The following LDLRAD4 variants were observed in gnomAD, a reference collection of about 807,000 sequenced individuals.
The protein encoded by LDLRAD4 is low density lipoprotein receptor class A domain containing 4.
A neutral mutation model predicts 17.0 loss-of-function variants in LDLRAD4; 5 were observed. The observed-to-expected ratio is 0.29, with a 90% CI of 0.15 to 0.62. The LOEUF (loss-of-function observed/expected upper bound fraction) is 0.62, where lower values mean the gene tolerates loss of function less well. Ranked by LOEUF, LDLRAD4 falls within the 20% of genes least tolerant of loss-of-function variation. LDLRAD4 has a pLI of 0.84. For missense variants in LDLRAD4, 340 were observed against 424.7 expected, an observed-to-expected ratio of 0.80 and a Z score of 1.75; for synonymous variants, 168 against 171.8, an observed-to-expected ratio of 0.98 and a Z score of 0.17.
chr18:13,229,996 A>G (rs1252260906), intron 1 of LDLRAD4, among the ~76,000 whole-genome samples: 1 of 152,028 alleles, frequency 6.6e-6, no homozygotes, highest in East Asian at 1.9e-4. Flanking sequence ...TGTCCCAGAA[A>G]CTCCTCAATT....
intron 1 of LDLRAD4, among the ~76,000 whole-genome samples, chr18:13,330,728 C>T (rs1167860287): frequency 2.0e-5 from 3 of 152,114 alleles, no homozygotes; most frequent in Admixed American, 2.0e-4. Context: ...GGGTGGCAGC[C>T]CGTAGATAGC....
chr18:13,532,933 T>C (rs2094150450), intron 3 of LDLRAD4, among the ~76,000 whole-genome samples: 1 of 152,168 alleles, frequency 6.6e-6, no homozygotes, highest in Admixed American at 6.5e-5. Context: ...GTCAGGAGCT[T>C]GGAGTAGCAA....
Position 13,404,881 on chromosome 18 carries a change from G to A in LDLRAD4, c.40+17119G>A, listed in dbSNP as rs140134056. ...TGTTTTAATATGCGTTTCAGCTGTCGGTGGTGTTTCAGAAATGCATGCAAA... is the reference window on the plus strand; with the variant it reads ...TGTTTTAATATGCGTTTCAGCTGTCAGTGGTGTTTCAGAAATGCATGCAAA... On this transcript the variant is annotated intron_variant, in intron 2 of 5. Coordinates refer to ENST00000359446, the Ensembl canonical transcript of LDLRAD4. Among the ~76,000 whole-genome samples the A allele has an allele frequency of 3.2e-4, 49 of 152,066 alleles. 1 individual carries two copies. In the East Asian group the frequency reaches 8.5e-3, roughly 26 times the overall value.
At chr18:13,249,989 T>A (rs182213747) in intron 1 of LDLRAD4, among the ~76,000 whole-genome samples, 30 of 152,308 alleles carry the variant, frequency 2.0e-4, no homozygotes, top group Admixed American at 2.0e-3. Flanking sequence ...CCAGCATTAT[T>A]TATTTATTTT....
chr18:13,528,836 A>G (rs1184566375), intron 3 of LDLRAD4, among the ~76,000 whole-genome samples: 1 of 152,148 alleles, frequency 6.6e-6, no homozygotes, highest in Non-Finnish European at 1.5e-5. Context: ...CATGACTCCC[A>G]GGGGGTTCCA....
At chr18:13,274,618 T>C (rs2044750764), upstream of LDLRAD4, among the ~76,000 whole-genome samples, 1 of 152,228 alleles carries the variant, frequency 6.6e-6, no homozygotes, top group Non-Finnish European at 1.5e-5. Context: ...GAATATATCA[T>C]ACAGTCCTGA....
chr18:13,333,154 T>G (rs1599479419), intron 1 of LDLRAD4, among the ~76,000 whole-genome samples: 1 of 152,222 alleles, frequency 6.6e-6, no homozygotes, highest in East Asian at 1.9e-4. Flanking sequence ...AATTTTCATT[T>G]TCCTGATGAC....
intron 1 of LDLRAD4, among the ~76,000 whole-genome samples, chr18:13,321,836 A>T (rs12961039): frequency 7.4e-6 from 1 of 135,028 alleles, no homozygotes; most frequent in Admixed American, 8.2e-5. Flanking sequence ...ACTCCAGCCC[A>T]GGCAACAACA....
At chr18:13,565,679 G>A (rs1002739882) in intron 3 of LDLRAD4, among the ~76,000 whole-genome samples, 3 of 152,214 alleles carry the variant, frequency 2.0e-5, no homozygotes, top group African/African-American at 7.2e-5. Flanking sequence ...GGCTCATGCC[G>A]TGAGCATAAC....
At chr18:13,286,807 G>A (rs2045648312) in intron 1 of LDLRAD4, among the ~76,000 whole-genome samples, 1 of 152,174 alleles carries the variant, frequency 6.6e-6, no homozygotes, top group African/African-American at 2.4e-5. Flanking sequence ...TGGGGGACAG[G>A]GCCTGAGCTG....
At chr18:13,484,528 G>GT (rs1600722309) in intron 3 of LDLRAD4, among the ~76,000 whole-genome samples, 1 of 152,292 alleles carries the variant, frequency 6.6e-6, no homozygotes, top group African/African-American at 2.4e-5. Context: ...GGGAGCCTCT[G>GT]TTGCTGGAGC....
intron 1 of LDLRAD4, among the ~76,000 whole-genome samples, chr18:13,272,559 C>T (rs889220861): frequency 2.0e-5 from 3 of 152,254 alleles, no homozygotes; most frequent in African/African-American, 4.8e-5. Context: ...CTCCTGGCCG[C>T]GTTAGTGTCC....
At chr18:13,636,793 C>A (rs932785863) in intron 4 of LDLRAD4, among the ~76,000 whole-genome samples, 3 of 150,600 alleles carry the variant, frequency 2.0e-5, no homozygotes, top group Admixed American at 6.6e-5. Context: ...AACCACCGCA[C>A]CCAGCAATTT....
chr18:13,373,232 A>G (rs1352878138), intron 1 of LDLRAD4, among the ~76,000 whole-genome samples: 3 of 152,020 alleles, frequency 2.0e-5, no homozygotes, highest in Non-Finnish European at 2.9e-5. Flanking sequence ...TCATCGCAGC[A>G]GTTGTAGCGC....
chr18:13,594,748 A>T (rs1207588854), intron 3 of LDLRAD4, among the ~76,000 whole-genome samples: 1 of 151,634 alleles, frequency 6.6e-6, no homozygotes, highest in African/African-American at 2.4e-5. Context: ...GTCATACTAG[A>T]ATGAGTGGGG....
At chr18:13,334,805 A>G (rs1312311089) in intron 1 of LDLRAD4, among the ~76,000 whole-genome samples, 1 of 152,206 alleles carries the variant, frequency 6.6e-6, no homozygotes, top group Non-Finnish European at 1.5e-5. Flanking sequence ...CTAGTTTCTC[A>G]TCATTAAGTA....
intron 1 of LDLRAD4, among the ~76,000 whole-genome samples, chr18:13,334,666 A>T (rs1386071667): frequency 3.3e-5 from 5 of 152,108 alleles, no homozygotes; most frequent in Admixed American, 2.0e-4. Context: ...CTTCTTTCCC[A>T]ATCAGTGTGC....
exon 6 of LDLRAD4, chr18:13,652,067 C>T (rs1301017628): frequency 6.6e-6 from 1 of 152,050 alleles, no homozygotes; most frequent in African/African-American, 2.4e-5. Context: ...TAGGGTGCAC[C>T]CCTTGGGATT....
intron 3 of LDLRAD4, among the ~76,000 whole-genome samples, chr18:13,575,039 C>G (rs2094749081): frequency 2.0e-5 from 3 of 152,164 alleles, no homozygotes; most frequent in Non-Finnish European, 4.4e-5. Flanking sequence ...AAAAACCTTC[C>G]AGAAATACAA....
Sources: gnomAD v4.1 joint callset for allele counts (sites outside exome capture counted in the v4.1 genomes callset) on GRCh38, gnomAD v4.1.1 for gene constraint, MANE v1.5 for transcripts, NCBI Gene and HGNC (gene_info 2026-07-23, HGNC 2026-07-21) for gene names.